The following ENTREP2 variants were observed in gnomAD, a reference collection of about 807,000 sequenced individuals.
ENTREP2 encodes the protein protein ENTREP2.
At chr15:29,641,840 A>G in the ENTREP2 span, among the ~76,000 whole-genome samples, 2 of 151,830 alleles carry the variant, frequency 1.3e-5, no homozygotes, top group African/African-American at 2.4e-5. Context: ...TCAAAAAAAA[A>G]AAAAAAAAGA....
At chr15:29,346,024 T>C in the ENTREP2 span, among the ~76,000 whole-genome samples, 1 of 152,172 alleles carries the variant, frequency 6.6e-6, no homozygotes, top group Admixed American at 6.5e-5. Context: ...ACAGAGAAGC[T>C]AACTTTCTGA....
At chr15:29,378,441 T>C in the ENTREP2 span, among the ~76,000 whole-genome samples, 1 of 152,180 alleles carries the variant, frequency 6.6e-6, no homozygotes, top group Non-Finnish European at 1.5e-5. Context: ...GGTCAAACAC[T>C]AGTTTGGATG....
At chr15:29,376,715 G>C in the ENTREP2 span, 1 of 152,250 alleles carries the variant, frequency 6.6e-6, no homozygotes, top group Non-Finnish European at 1.5e-5. Context: ...CTCCGGCAGG[G>C]ACTGTACAGC....
chr15:29,268,865 G>A, the ENTREP2 span: 1 of 1,614,092 alleles, frequency 6.2e-7, no homozygotes, highest in Non-Finnish European at 8.5e-7. Flanking sequence ...TCACAGTACT[G>A]CGCTGGCCAG....
At chr15:29,146,840 CAGG>C in the ENTREP2 span, among the ~76,000 whole-genome samples, 1 of 152,138 alleles carries the variant, frequency 6.6e-6, no homozygotes, top group East Asian at 1.9e-4. Flanking sequence ...GAGGCTGAGG[CAGG>C]AGAATTGCTT....
At chr15:29,197,321 C>T in the ENTREP2 span, among the ~76,000 whole-genome samples, 3 of 152,158 alleles carry the variant, frequency 2.0e-5, no homozygotes, top group East Asian at 1.9e-4. Flanking sequence ...TGTGGTGGTA[C>T]ACCACCTGCA....
the ENTREP2 span, among the ~76,000 whole-genome samples, chr15:29,204,740 A>G: frequency 6.6e-6 from 1 of 152,196 alleles, no homozygotes; most frequent in Non-Finnish European, 1.5e-5. Flanking sequence ...AAAAATTTGT[A>G]GAAACTAGAC....
At chr15:29,546,308 C>T in the ENTREP2 span, among the ~76,000 whole-genome samples, 1 of 152,040 alleles carries the variant, frequency 6.6e-6, no homozygotes, top group Non-Finnish European at 1.5e-5. Context: ...ACCCTGAGAA[C>T]AAAAGAACTC....
the ENTREP2 span, among the ~76,000 whole-genome samples, chr15:29,180,686 T>C: frequency 6.6e-6 from 1 of 151,108 alleles, no homozygotes; most frequent in African/African-American, 2.4e-5. Context: ...ATAAACAAAA[T>C]AAAATAAAAT....
At chr15:29,424,221 A>G in the ENTREP2 span, among the ~76,000 whole-genome samples, 2 of 152,204 alleles carry the variant, frequency 1.3e-5, no homozygotes, top group African/African-American at 4.8e-5. Flanking sequence ...GCAAAAATAC[A>G]AAACCTCTGC....
At chr15:29,356,338 G>A in the ENTREP2 span, among the ~76,000 whole-genome samples, 1 of 107,982 alleles carries the variant, frequency 9.3e-6, no homozygotes, top group South Asian at 3.3e-4. Context: ...ACGGAGTCTC[G>A]CTCTGTCGCC....
At chr15:29,382,489 G>A in the ENTREP2 span, among the ~76,000 whole-genome samples, 5 of 151,852 alleles carry the variant, frequency 3.3e-5, no homozygotes, top group East Asian at 2.0e-4. Context: ...CACCTCACCC[G>A]TACATAGGCA....
chr15:29,249,884 C>G, the ENTREP2 span, among the ~76,000 whole-genome samples: 1 of 151,996 alleles, frequency 6.6e-6, no homozygotes, highest in East Asian at 1.9e-4. Context: ...CAGAAAGTCA[C>G]GTGGCCAGAG....
At chr15:29,202,755 G>A in the ENTREP2 span, among the ~76,000 whole-genome samples, 1 of 152,094 alleles carries the variant, frequency 6.6e-6, no homozygotes, top group Non-Finnish European at 1.5e-5. Context: ...CTGTTCCTGT[G>A]TTAGTTTTCT....
At chr15:29,191,539 G>A in the ENTREP2 span, among the ~76,000 whole-genome samples, 1 of 152,094 alleles carries the variant, frequency 6.6e-6, no homozygotes, top group East Asian at 1.9e-4. Flanking sequence ...GCCGAGGAGG[G>A]AGTTGCCAAG....
chr15:29,404,776 C>G, the ENTREP2 span, among the ~76,000 whole-genome samples: 1 of 152,150 alleles, frequency 6.6e-6, no homozygotes, highest in Admixed American at 6.5e-5. Context: ...ACGGATGCCT[C>G]CCCAGCAGCC....
the ENTREP2 span, among the ~76,000 whole-genome samples, chr15:29,462,601 A>G: frequency 6.6e-6 from 1 of 151,088 alleles, no homozygotes; most frequent in African/African-American, 2.5e-5. Flanking sequence ...CAAGAGCGAA[A>G]TTCGATCTCA....
At chr15:29,477,328 A>G in the ENTREP2 span, among the ~76,000 whole-genome samples, 29 of 152,174 alleles carry the variant, frequency 1.9e-4, no homozygotes, top group Non-Finnish European at 2.9e-4. Context: ...GGCTACACAG[A>G]GACATTCAGT....
the ENTREP2 span, chr15:29,269,845 C>G: frequency 1.2e-6 from 1 of 832,330 alleles, no homozygotes; most frequent in Non-Finnish European, 1.7e-6. Flanking sequence ...ATGAAGCCTG[C>G]GCCTTGCGTC....
Sources: allele counts gnomAD v4.1 joint callset (sites outside exome capture counted in the v4.1 genomes callset), GRCh38; gene constraint gnomAD v4.1.1; transcripts MANE v1.5; gene names NCBI Gene and HGNC (gene_info 2026-07-23, HGNC 2026-07-21).